The following MTG2 variants were observed in gnomAD, a reference collection of about 807,000 sequenced individuals.
MTG2 encodes mitochondrial ribosome-associated GTPase 2.
In MTG2, 23 loss-of-function variants were observed where a neutral mutation model predicts 28.6. That is an observed-to-expected ratio of 0.80 (90% CI 0.58 to 1.14). The LOEUF (loss-of-function observed/expected upper bound fraction) is 1.14. Among genes scored for constraint, MTG2 ranks in the 50% most tolerant of loss-of-function variants. The probability of loss-of-function intolerance (pLI) is 0.00; values close to 1 mark genes in which losing one functional copy is unlikely to be tolerated. For missense variants in MTG2, 539 were observed against 552.0 expected, an observed-to-expected ratio of 0.98 and a Z score of 0.24; for synonymous variants, 260 against 251.8, an observed-to-expected ratio of 1.03 and a Z score of -0.31.
chr20:62,191,103 A>T (rs2057949758), intron 1 of MTG2, among the ~76,000 whole-genome samples: 1 of 152,114 alleles, frequency 6.6e-6, no homozygotes, highest in African/African-American at 2.4e-5. Context: ...CCACAAGAGA[A>T]AATTAGAATG....
At chr20:62,198,612 A>T in intron 4 of MTG2, 22 bp from the exon 5 acceptor site, 2 of 1,610,700 alleles carry the variant, frequency 1.2e-6, no homozygotes, top group Non-Finnish European at 1.7e-6. Flanking sequence ...AGCTCAGCTG[A>T]TGAGTGCCTG....
In MTG2 at chr20:62,200,728, G is replaced by T; in HGVS notation, c.872G>T (p.Gly291Val). ...ATACGAGGCGCCCACCAGAACAGGG[G>T]TCTGGGGTCCGCCTTCCTCAGGCAC... ...GIIRGAHQNR[G>V]LGSAFLRHIE... The change falls in exon 7 of 7, where the codon GGT becomes GTT. Residue 291 changes from glycine to valine, a missense_variant. By Grantham distance (109) the Gly-to-Val change is moderately radical (BLOSUM62 -3). Transcript: ENST00000370823. 1 of 1,613,276 alleles carries T rather than the reference G, an allele frequency of 6.2e-7. No homozygotes were observed. Among genetic ancestry groups the T allele is most frequent in the Non-Finnish European group, 8.5e-7 (1 of 1,180,022 alleles).
intron 1 of MTG2, among the ~76,000 whole-genome samples, chr20:62,190,802 G>T (rs1302653094): frequency 6.6e-6 from 1 of 152,204 alleles, no homozygotes; most frequent in Non-Finnish European, 1.5e-5. Flanking sequence ...AGTCCGCAGG[G>T]ATGCCTTTGC....
In MTG2 at chr20:62,195,301, C is replaced by T. The variant is rs186996308; in HGVS notation, c.205-501C>T. ...TGTTTTCATCAGGCCCCAGAAAATACTCTTTCTTCAGAGTCGAAAGCCTGG... is the reference window on the plus strand; with the variant it reads ...TGTTTTCATCAGGCCCCAGAAAATATTCTTTCTTCAGAGTCGAAAGCCTGG... On this transcript the variant is annotated intron_variant, in intron 2 of 6. Coordinates refer to ENST00000370823, the MANE Select transcript of MTG2 (RefSeq NM_015666.4). 1.3e-5 allele frequency among the ~76,000 whole-genome samples: 2 copies of T among 152,344 alleles called. 1 individual carries two copies. The highest frequency in any genetic ancestry group is 1.3e-4 in the Admixed American group (2 of 15,302).
At position 62,193,914 on chromosome 20, in the gene MTG2, C is replaced by T. The variant is rs552914325; in HGVS notation, c.204+290C>T. On this transcript the variant is annotated intron_variant, in intron 2 of 6. Coordinates refer to ENST00000370823, the MANE Select transcript of MTG2 (RefSeq NM_015666.4). The stretch of plus-strand genomic sequence containing the variant: ...TATTTTACATGTATGTTACATATAT[C>T]CTTTCATATGTGTGGCTATTTCTTA... 7 of 362,888 alleles carry T rather than the reference C, an allele frequency of 1.9e-5. No individual in the cohort carries two copies. In the East Asian group the frequency reaches 4.1e-4, roughly 21 times the overall value. 22.5% of individuals were successfully genotyped at this position (362,888 alleles called of 1,614,324 possible).
chr20:62,195,919 G>A lies in MTG2; in HGVS notation c.322G>A (p.Gly108Arg), dbSNP rs765128646. 7 of 1,614,184 alleles carry A rather than the reference G, an allele frequency of 4.3e-6. No homozygotes were observed. Among genetic ancestry groups the A allele is most frequent in the African/African-American group, 1.3e-5 (1 of 75,070 alleles). The change falls in exon 3 of 7, where the codon GGA becomes AGA. Residue 108 changes from glycine (G) to arginine (R), a missense_variant. Gly to Arg is a moderately radical substitution (Grantham distance 125). Coordinates refer to ENST00000370823, the MANE Select transcript of MTG2 (RefSeq NM_015666.4). ...KEFGGPDGGDGGNGGHVILRV... is the reference protein window; with the variant it reads ...KEFGGPDGGDRGNGGHVILRV... ...GTTTGGAGGCCCTGATGGAGGGGACGGAGGCAACGGTGGACACGTCATTCT... is the reference window on the plus strand; with the variant it reads ...GTTTGGAGGCCCTGATGGAGGGGACAGAGGCAACGGTGGACACGTCATTCT...
intron 2 of MTG2, among the ~76,000 whole-genome samples, chr20:62,195,040 C>T (rs113545647): frequency 1.3e-5 from 2 of 152,220 alleles, no homozygotes; most frequent in African/African-American, 4.8e-5. Flanking sequence ...ACTAAAAATA[C>T]AAAAAACTAG....
Position 62,198,693 on chromosome 20 carries a change from G to T in MTG2, c.528G>T (p.Val176=). 6.2e-7 allele frequency: 1 copy of T among 1,614,144 alleles called. No homozygotes were observed. The highest frequency in any genetic ancestry group is 1.1e-5 in the South Asian group (1 of 91,092). ...GGRVVADLSC[V]GDEYIAALGG... is the part of the protein sequence containing the mutation. Reference sequence around the variant, plus strand: ...GAGTTGTGGCCGACCTGTCTTGCGTGGGAGATGAGTACATTGCCGCGCTGG... The same window carrying T: ...GAGTTGTGGCCGACCTGTCTTGCGTTGGAGATGAGTACATTGCCGCGCTGG... Residue 176 remains valine (V), a synonymous_variant, in exon 5 of 7, where the codon GTG becomes GTT. Coordinates refer to ENST00000370823, the MANE Select transcript of MTG2 (RefSeq NM_015666.4).
In MTG2 at chr20:62,202,189, TC is replaced by T. The variant is rs11475121; in HGVS notation, c.*1115del. On this transcript the variant is annotated 3_prime_UTR_variant, in exon 7 of 7. Transcript: ENST00000370823. ...CCAAGCCAGGCCCATGCCTGGTGTC[TC>T]CCTGACTGCAGAGGAGCCCCAGGGC... 0.14 allele frequency: 21,074 copies of T among 152,318 alleles called. 1,578 individuals are homozygous for T. The highest frequency in any genetic ancestry group is 0.21 in the South Asian group (990 of 4,828). The allele number at this position is 152,318 out of a possible 1,614,324, so 9.4% of individuals were successfully genotyped here.
At chr20:62,197,817 A>C in intron 3 of MTG2, 35 bp from the exon 4 acceptor site, 1 of 1,594,762 alleles carries the variant, frequency 6.3e-7, no homozygotes, top group Non-Finnish European at 8.6e-7. Flanking sequence ...GGTTGTCGTA[A>C]CACAAAGGGA....
At position 62,188,508 on chromosome 20, in the gene MTG2, A is replaced by ATTTTTT. The variant is rs1192106476; in HGVS notation, c.-5-4889_-5-4884dup. On this transcript the variant is annotated intron_variant, in intron 1 of 6. Transcript: ENST00000370823. Reference sequence around the variant, plus strand: ...ACCACCATGTCCAGCTAATCAGCTAATTTTTTTTTTTTTTTTTTTTTTTTG... The same window carrying ATTTTTT: ...ACCACCATGTCCAGCTAATCAGCTAATTTTTTTTTTTTTTTTTTTTTTTTTTTTTTG... Among the ~76,000 whole-genome samples, 794 of 89,662 alleles carry ATTTTTT rather than the reference A, an allele frequency of 8.9e-3. 17 individuals carry two copies. The highest frequency in any genetic ancestry group is 0.016 in the African/African-American group (359 of 22,444). The allele number at this position is 89,662 out of a possible 152,430, so 58.8% of individuals were successfully genotyped here.
chr20:62,202,438 AAAACAAAC>A lies in MTG2; in HGVS notation c.*1377_*1384del, dbSNP rs150565894. On this transcript the variant is annotated 3_prime_UTR_variant, in exon 7 of 7. Transcript: ENST00000370823. ...GTGACAGAGCGAGACCCTGTCTCAA[AAAACAAAC>A]AAACAAACAAACAAAAACAGAACAT... The A allele has an allele frequency of 0.15, 22,789 of 155,598 alleles. 1,819 individuals are homozygous for A. The highest frequency in any genetic ancestry group is 0.27 in the South Asian group (1,383 of 5,076). 9.6% of individuals were successfully genotyped at this position (155,598 alleles called of 1,614,324 possible). A position where few individuals can be genotyped will look rare whatever the true frequency, so the allele number is the denominator to read the frequency against.
intron 1 of MTG2, among the ~76,000 whole-genome samples, chr20:62,186,426 A>G (rs775566489): frequency 6.6e-6 from 1 of 152,028 alleles, no homozygotes; most frequent in South Asian, 2.1e-4. Context: ...ATTTTAATTT[A>G]CAGTTGTTTG....
chr20:62,184,196 A>C (rs2057789021), intron 1 of MTG2, among the ~76,000 whole-genome samples: 1 of 152,178 alleles, frequency 6.6e-6, no homozygotes, highest in Non-Finnish European at 1.5e-5. Context: ...ATCTCTACTA[A>C]AAATACAAAA....
chr20:62,187,841 T>A (rs2057877914), intron 1 of MTG2, among the ~76,000 whole-genome samples: 1 of 152,240 alleles, frequency 6.6e-6, no homozygotes, highest in African/African-American at 2.4e-5. Flanking sequence ...CTCCTCCTTC[T>A]ACTCGACGCT....
At chr20:62,184,140 C>T (rs4925351) in intron 1 of MTG2, among the ~76,000 whole-genome samples, 6 of 152,128 alleles carry the variant, frequency 3.9e-5, no homozygotes, top group Non-Finnish European at 5.9e-5. Flanking sequence ...GGGCAGATCA[C>T]GAGGTCAGGA....
intron 2 of MTG2, among the ~76,000 whole-genome samples, chr20:62,194,823 T>A (rs1308543438): frequency 6.6e-6 from 1 of 152,176 alleles, no homozygotes; most frequent in Non-Finnish European, 1.5e-5. Context: ...CCTCCTGTGG[T>A]AGGAGCTGTT....
At chr20:62,184,167 G>A (rs1275959794) in intron 1 of MTG2, among the ~76,000 whole-genome samples, 1 of 152,192 alleles carries the variant, frequency 6.6e-6, no homozygotes, top group Non-Finnish European at 1.5e-5. Context: ...GACCAGCCTG[G>A]CCAACATGGT....
rs773250594 is a variant in MTG2 at position 62,199,234 on chromosome 20, A to G, written c.803A>G (p.Tyr268Cys). The change falls in exon 6 of 7, where the codon TAC becomes TGC. Residue 268 changes from tyrosine (Y) to cysteine (C), a missense_variant. Transcript: ENST00000370823. ...AAGCCCCACGTCGGGATCGTCCACTACGAAGGCCACCTACAAATAGCAGGT... is the reference window on the plus strand; with the variant it reads ...AAGCCCCACGTCGGGATCGTCCACTGCGAAGGCCACCTACAAATAGCAGGT... ...TLKPHVGIVH[Y>C]EGHLQIAVAD... 7.4e-6 allele frequency: 12 copies of G among 1,613,630 alleles called. No individual in the cohort carries two copies. Among genetic ancestry groups the G allele is most frequent in the East Asian group, 2.2e-5 (1 of 44,884 alleles).
Sources: allele counts gnomAD v4.1 joint callset (sites outside exome capture counted in the v4.1 genomes callset), GRCh38; gene constraint gnomAD v4.1.1; transcripts MANE v1.5; gene names NCBI Gene and HGNC (gene_info 2026-07-23, HGNC 2026-07-21).